Variants in FAM237A observed in about 807,000 individuals in gnomAD.
FAM237A encodes the protein protein FAM237A.
FAM237A carries 14 observed loss-of-function variants against 12.5 expected under a neutral mutation model. The observed-to-expected ratio is 1.12, with a 90% CI of 0.74 to 1.75. The LOEUF is 1.75. FAM237A is among the 40% of genes most tolerant of loss of function. The probability of loss-of-function intolerance (pLI) is 0.00; values close to 1 mark genes in which losing one functional copy is unlikely to be tolerated. For synonymous variants in FAM237A, 85 were observed against 77.5 expected, an observed-to-expected ratio of 1.10 and a Z score of -0.51; for missense variants, 240 against 211.7, an observed-to-expected ratio of 1.13 and a Z score of -0.83.
At chr2:206,648,507 CACTT>C (rs1240116606) in intron 2 of FAM237A, among the ~76,000 whole-genome samples, 150 bp from the exon 3 acceptor site, 1 of 152,258 alleles carries the variant, frequency 6.6e-6, no homozygotes, top group African/African-American at 2.4e-5. Flanking sequence ...CACAAATACA[CACTT>C]ACATATATTC....
intron 2 of FAM237A, among the ~76,000 whole-genome samples, chr2:206,646,670 A>T (rs1699320954): frequency 6.6e-6 from 1 of 152,230 alleles, no homozygotes; most frequent in Non-Finnish European, 1.5e-5. Flanking sequence ...AAGACTTTCC[A>T]TTTGGTTTGT....
intron 1 of FAM237A, chr2:206,643,285 A>G (rs1221602944): frequency 6.6e-6 from 1 of 152,122 alleles, no homozygotes; most frequent in African/African-American, 2.4e-5. Flanking sequence ...TTTTTTCTTT[A>G]TGTTAGAGCT....
At chr2:206,645,299 T>C (rs953950409) in intron 2 of FAM237A, among the ~76,000 whole-genome samples, 2 of 152,210 alleles carry the variant, frequency 1.3e-5, no homozygotes, top group Admixed American at 6.5e-5. Flanking sequence ...GAGTTTTTCA[T>C]TGAAGTAAAT....
rs376047346 is a variant in FAM237A at position 206,644,270 on chromosome 2, C to A, written c.34C>A (p.Arg12Ser). ...TCCTGGGAACAGAGGAGGGATCCAC[C>A]GCCCCTTGAGCTTCACCTGCTCCCT... ...ADPGNRGGIH[R>S]PLSFTCSLLI... The change falls in exon 2 of 3, where the codon CGC becomes AGC. Residue 12 changes from arginine to serine, a missense_variant. Physicochemically the swap from Arg to Ser is moderately radical, Grantham distance 110. Transcript: ENST00000441223. The A allele has an allele frequency of 1.2e-6, 2 of 1,609,080 alleles. No individual in the cohort carries two copies. Among genetic ancestry groups the A allele is most frequent in the South Asian group, 1.1e-5 (1 of 90,064 alleles).
chr2:206,648,176 A>T (rs1699340799), intron 2 of FAM237A, among the ~76,000 whole-genome samples: 1 of 152,216 alleles, frequency 6.6e-6, no homozygotes, highest in African/African-American at 2.4e-5. Flanking sequence ...GCAGCCAATG[A>T]TGCAATCCAA....
At chr2:206,647,492 A>G (rs1008008744) in intron 2 of FAM237A, among the ~76,000 whole-genome samples, 3 of 152,180 alleles carry the variant, frequency 2.0e-5, no homozygotes, top group African/African-American at 7.2e-5. Flanking sequence ...TTTAGTCTAG[A>G]AAGGCATGGG....
chr2:206,646,148 A>G lies in FAM237A; in HGVS notation c.412+1500A>G, dbSNP rs561699212. 9.3e-4 allele frequency among the ~76,000 whole-genome samples: 142 copies of G among 152,162 alleles called. 1 individual carries two copies. The highest frequency in any genetic ancestry group is 2.9e-3 in the African/African-American group (121 of 41,540). On this transcript the variant is annotated intron_variant, in intron 2 of 2. Coordinates refer to ENST00000441223, the MANE Select transcript of FAM237A (RefSeq NM_001102659.3). ...AAACCCCGTCTCTACTAAAAATACAAAAAAATTAGCCGGATGTGGTGGCGG... is the reference window on the plus strand; with the variant it reads ...AAACCCCGTCTCTACTAAAAATACAGAAAAATTAGCCGGATGTGGTGGCGG...
At chr2:206,643,185 G>A (rs1436973259) in intron 1 of FAM237A, among the ~76,000 whole-genome samples, 1 of 152,108 alleles carries the variant, frequency 6.6e-6, no homozygotes, top group African/African-American at 2.4e-5. Flanking sequence ...ATTCCCACAA[G>A]CTGTATTTTG....
intron 1 of FAM237A, among the ~76,000 whole-genome samples, chr2:206,643,808 A>G (rs567348684): frequency 1.3e-5 from 2 of 152,344 alleles, no homozygotes; most frequent in South Asian, 2.1e-4. Flanking sequence ...ATATATTTAA[A>G]TTCTTAATTA....
chr2:206,644,709 T>G, intron 2 of FAM237A, 61 bp downstream of exon 2: 1 of 1,443,812 alleles, frequency 6.9e-7, no homozygotes, highest in African/African-American at 1.4e-5. Flanking sequence ...TGTGCTGAAT[T>G]GTGAGGAAGA....
intron 2 of FAM237A, among the ~76,000 whole-genome samples, chr2:206,647,628 C>G (rs1186480850): frequency 2.4e-5 from 3 of 125,404 alleles, no homozygotes; most frequent in Non-Finnish European, 5.1e-5. Flanking sequence ...GAGAGAGACA[C>G]ACAGACACAC....
chr2:206,645,122 TAGAG>T (rs1331675106), intron 2 of FAM237A, among the ~76,000 whole-genome samples: 1 of 152,184 alleles, frequency 6.6e-6, no homozygotes, highest in Non-Finnish European at 1.5e-5. Context: ...TTCATGTAAA[TAGAG>T]AGGCTCTTTG....
chr2:206,646,455 T>C (rs1699318686), intron 2 of FAM237A, among the ~76,000 whole-genome samples: 2 of 152,174 alleles, frequency 1.3e-5, no homozygotes, highest in African/African-American at 2.4e-5. Flanking sequence ...GTTATATATA[T>C]ACTTATTTTA....
In FAM237A at chr2:206,644,542, T is replaced by C. The variant is rs1275479551; in HGVS notation, c.306T>C (p.Tyr102=). 3.1e-6 allele frequency: 5 copies of C among 1,614,010 alleles called. No individual in the cohort carries two copies. Among genetic ancestry groups the C allele is most frequent in the Non-Finnish European group, 4.2e-6 (5 of 1,179,890 alleles). The change falls in exon 2 of 3, where the codon TAT becomes TAC. Residue 102 remains tyrosine (Y), a synonymous_variant. Transcript: ENST00000441223. Reference sequence around the variant, plus strand: ...TGGCCCAACTCTTCTGGGACATCTATGTGGACTGTGTGCTCTCTAGGAACC... The same window carrying C: ...TGGCCCAACTCTTCTGGGACATCTACGTGGACTGTGTGCTCTCTAGGAACC... The part of the protein sequence containing the change: ...WDLAQLFWDI[Y]VDCVLSRNHG...
chr2:206,648,736 T>C lies in FAM237A; in HGVS notation c.488T>C (p.Val163Ala). 2 of 1,571,300 alleles carry C rather than the reference T, an allele frequency of 1.3e-6. No individual in the cohort carries two copies. The highest frequency in any genetic ancestry group is 1.7e-6 in the Non-Finnish European group (2 of 1,156,306). The change falls in exon 3 of 3, where the codon GTG becomes GCG. Residue 163 changes from valine (V) to alanine (A), a missense_variant. Coordinates refer to ENST00000441223, the MANE Select transcript of FAM237A (RefSeq NM_001102659.3). ...ATTGAAGATTTGATAAGCATGCATG[T>C]GCGTAGGAGTGGGTCTAGTGTCATT... ...ELIEDLISMH[V>A]RRSGSSVIGK...
Position 206,644,517 on chromosome 2 carries a change from T to TG in FAM237A, c.283dup (p.Ala95GlyfsTer15). 6.2e-7 allele frequency: 1 copy of TG among 1,614,050 alleles called. No individual in the cohort carries two copies. Among genetic ancestry groups the TG allele is most frequent in the Non-Finnish European group, 8.5e-7 (1 of 1,179,892 alleles). Reference sequence around the variant, plus strand: ...AAGCATGGAGCACTGTTTTGGGATCTGGCCCAACTCTTCTGGGACATCTAT... The same window carrying TG: ...AAGCATGGAGCACTGTTTTGGGATCTGGGCCCAACTCTTCTGGGACATCTAT... On this transcript the variant is annotated frameshift_variant, in exon 2 of 3. Transcript: ENST00000441223. LOFTEE classifies it high-confidence loss of function.
chr2:206,648,249 G>A (rs950177868), intron 2 of FAM237A, among the ~76,000 whole-genome samples: 1 of 152,162 alleles, frequency 6.6e-6, no homozygotes. Flanking sequence ...AATGTCCCAC[G>A]ATAGGGTAGT....
At chr2:206,646,501 G>A (rs557556379) in intron 2 of FAM237A, among the ~76,000 whole-genome samples, 11 of 152,322 alleles carry the variant, frequency 7.2e-5, no homozygotes, top group Non-Finnish European at 1.3e-4. Flanking sequence ...AGCTTTGGAA[G>A]TCACTTCCTT....
chr2:206,645,127 A>C (rs1699302849), intron 2 of FAM237A, among the ~76,000 whole-genome samples: 1 of 152,222 alleles, frequency 6.6e-6, no homozygotes, highest in South Asian at 2.1e-4. Flanking sequence ...GTAAATAGAG[A>C]GGCTCTTTGA....
Sources: gnomAD v4.1 joint callset for allele counts (sites outside exome capture counted in the v4.1 genomes callset) on GRCh38, gnomAD v4.1.1 for gene constraint, MANE v1.5 for transcripts, NCBI Gene and HGNC (gene_info 2026-07-23, HGNC 2026-07-21) for gene names.